CDC7: variants seen among roughly 807,000 people sequenced by gnomAD.
The protein encoded by CDC7 is cell division cycle 7-related protein kinase.
In CDC7, 34 loss-of-function variants were observed where a neutral mutation model predicts 53.5. The ratio of observed to expected loss-of-function variants is 0.64; its 90% CI spans 0.48 to 0.85. CDC7 has a LOEUF of 0.85. CDC7 is among the 40% of genes least tolerant of loss of function. The pLI is 0.00. For missense variants in CDC7, 594 were observed against 679.7 expected, an observed-to-expected ratio of 0.87 and a Z score of 1.40; for synonymous variants, 211 against 222.8, an observed-to-expected ratio of 0.95 and a Z score of 0.47.
intron 7 of CDC7, among the ~76,000 whole-genome samples, chr1:91,513,684 A>G (rs1206879095): frequency 6.6e-6 from 1 of 152,194 alleles, no homozygotes; most frequent in Non-Finnish European, 1.5e-5. Flanking sequence ...TTAGCTGCAC[A>G]GCAAAATGTA....
intron 2 of CDC7, among the ~76,000 whole-genome samples, chr1:91,506,696 TC>T (rs1476375567): frequency 6.6e-6 from 1 of 152,136 alleles, no homozygotes; most frequent in Non-Finnish European, 1.5e-5. Context: ...ACACCTGTAA[TC>T]CCAGCACTTT....
rs35652063 is a variant in CDC7 at position 91,513,162 on chromosome 1, A to G, written c.677A>G (p.Asn226Ser). Reference sequence around the variant, plus strand: ...GCTCAGCAGGAAAGGTGTTCACAAAACAAATCCCACATAATCACAGGAAAC... The same window carrying G: ...GCTCAGCAGGAAAGGTGTTCACAAAGCAAATCCCACATAATCACAGGAAAC... ...SEAQQERCSQ[N>S]KSHIITGNKI... is the part of the protein sequence containing the mutation. Residue 226 changes from asparagine to serine, a missense_variant, in exon 7 of 12, where the codon AAC becomes AGC. Asn to Ser is a conservative substitution (Grantham distance 46, BLOSUM62 1). Coordinates refer to ENST00000234626, the MANE Select transcript of CDC7 (RefSeq NM_003503.4). 1.5e-5 allele frequency: 25 copies of G among 1,613,686 alleles called. No individual in the cohort carries two copies. The African/African-American group carries it at 2.7e-4, about 17-fold the overall frequency.
chr1:91,525,529 G>T lies in CDC7; in HGVS notation c.*1094G>T, dbSNP rs1668223029. 1 of 152,076 alleles carries T rather than the reference G, an allele frequency of 6.6e-6. No individual in the cohort carries two copies. The highest frequency in any genetic ancestry group is 2.4e-5 in the African/African-American group (1 of 41,428). The allele number at this position is 152,076 out of a possible 1,614,324, so 9.4% of individuals were successfully genotyped here. The stretch of plus-strand genomic sequence containing the variant: ...AACTTCCTATGGGAAAAAGTCTGGT[G>T]GGTGGTCAGCTGACAGATTTCCCAT... On this transcript the variant is annotated 3_prime_UTR_variant, in exon 12 of 12. Coordinates refer to ENST00000234626, the MANE Select transcript of CDC7 (RefSeq NM_003503.4).
At chr1:91,516,808 T>TA (rs1304852795) in intron 10 of CDC7, among the ~76,000 whole-genome samples, 1 of 152,206 alleles carries the variant, frequency 6.6e-6, no homozygotes, top group Non-Finnish European at 1.5e-5. Flanking sequence ...CTCATGCCTG[T>TA]AATCCCAGCA....
chr1:91,510,159 G>T (rs1464576952), intron 4 of CDC7, among the ~76,000 whole-genome samples: 1 of 151,538 alleles, frequency 6.6e-6, no homozygotes, highest in Non-Finnish European at 1.5e-5. Flanking sequence ...AGGCTGTAAT[G>T]ACCTGCGATC....
chr1:91,513,195 C>T lies in CDC7; in HGVS notation c.710C>T (p.Pro237Leu). 2 of 1,613,772 alleles carry T rather than the reference C, an allele frequency of 1.2e-6. No individual in the cohort carries two copies. Among genetic ancestry groups the T allele is most frequent in the Non-Finnish European group, 1.7e-6 (2 of 1,179,824 alleles). The stretch of plus-strand genomic sequence containing the variant: ...CACATAATCACAGGAAACAAGATTC[C>T]ACTGAGTGGCCCAGTACCTAAGGAG... Reference protein sequence around the residue: ...KSHIITGNKIPLSGPVPKELD... With the variant: ...KSHIITGNKILLSGPVPKELD... Residue 237 changes from proline (P) to leucine (L), a missense_variant, in exon 7 of 12, where the codon CCA (proline) becomes CTA (leucine). Transcript: ENST00000234626.
At chr1:91,501,586 C>T in intron 1 of CDC7, 68 bp from the exon 2 acceptor site, 5 of 661,884 alleles carry the variant, frequency 7.6e-6, no homozygotes, top group Non-Finnish European at 1.3e-5. Context: ...CTTTGGGGGG[C>T]AGTAGCATGT....
chr1:91,507,831 C>CT (rs1354864872), intron 2 of CDC7, 23 bp from the exon 3 acceptor site: 1 of 1,247,556 alleles, frequency 8.0e-7, no homozygotes, highest in African/African-American at 1.5e-5. Flanking sequence ...GATTAAAACT[C>CT]TAAATTTTTG....
intron 4 of CDC7, 129 bp downstream of exon 4, chr1:91,508,526 C>T: frequency 1.5e-6 from 1 of 673,358 alleles, no homozygotes; most frequent in Non-Finnish European, 2.4e-6. Context: ...TTGCAATTTG[C>T]TAGCACTTTC....
At chr1:91,508,036 A>C (rs1244773720) in intron 3 of CDC7, 99 bp downstream of exon 3, 2 of 1,048,040 alleles carry the variant, frequency 1.9e-6, no homozygotes, top group Non-Finnish European at 2.8e-6. Flanking sequence ...TTATTGAAAA[A>C]TATACCACTT....
chr1:91,521,566 G>A (rs554140967), intron 11 of CDC7, among the ~76,000 whole-genome samples: 3 of 152,328 alleles, frequency 2.0e-5, no homozygotes, highest in East Asian at 3.9e-4. Flanking sequence ...GTGACCATGA[G>A]TGGAAAGCAA....
chr1:91,512,938 T>C (rs1215770048), intron 6 of CDC7, 120 bp from the exon 7 acceptor site: 3 of 843,386 alleles, frequency 3.6e-6, no homozygotes, highest in Non-Finnish European at 5.4e-6. Context: ...CAGAATGTTA[T>C]AAATTCCTAA....
At chr1:91,504,056 A>G (rs551457258) in intron 2 of CDC7, among the ~76,000 whole-genome samples, 5 of 151,034 alleles carry the variant, frequency 3.3e-5, no homozygotes, top group African/African-American at 7.3e-5. Flanking sequence ...TGCACAAACT[A>G]TCTGGCATAA....
intron 11 of CDC7, 138 bp downstream of exon 11, chr1:91,520,417 T>C: frequency 1.5e-6 from 1 of 649,094 alleles, no homozygotes; most frequent in Non-Finnish European, 2.4e-6. Flanking sequence ...AGTAGAAAAT[T>C]CTTCAGTTGC....
chr1:91,520,662 T>C (rs1421879067), intron 11 of CDC7, among the ~76,000 whole-genome samples: 1 of 152,232 alleles, frequency 6.6e-6, no homozygotes, highest in Non-Finnish European at 1.5e-5. Flanking sequence ...AAACATCAGA[T>C]GCACTATGTC....
chr1:91,507,815 G>C, intron 2 of CDC7, 39 bp from the exon 3 acceptor site: 1 of 1,178,888 alleles, frequency 8.5e-7, no homozygotes, highest in Non-Finnish European at 1.2e-6. Flanking sequence ...AAAATATACT[G>C]TCATTGATTA....
Position 91,511,911 on chromosome 1 carries a change from G to A in CDC7, c.560G>A (p.Arg187Lys), listed in dbSNP as rs747270363. ...DVKPSNFLYN[R>K]RLKKYALVDF... ...AAGCCCAGCAATTTTTTATATAATA[G>A]GCGCCTGAAAAAGTAAGTATGAAGA... Residue 187 changes from arginine to lysine, a missense_variant, in exon 6 of 12, where the codon AGG becomes AAG. Physicochemically the swap from Arg to Lys is conservative, Grantham distance 26. Coordinates refer to ENST00000234626, the MANE Select transcript of CDC7 (RefSeq NM_003503.4). The A allele has an allele frequency of 2.5e-5, 40 of 1,579,178 alleles. No homozygotes were observed. The African/African-American group carries it at 5.3e-4, about 21-fold the overall frequency.
At position 91,507,926 on chromosome 1, in the gene CDC7, A is replaced by G. The variant is rs771995747; in HGVS notation, c.188A>G (p.Lys63Arg). 1.9e-6 allele frequency: 3 copies of G among 1,562,628 alleles called. No individual in the cohort carries two copies. Among genetic ancestry groups the G allele is most frequent in the African/African-American group, 1.4e-5 (1 of 72,928 alleles). Residue 63 changes from lysine (K) to arginine (R), a missense_variant, in exon 3 of 12, where the codon AAA becomes AGA. Coordinates refer to ENST00000234626, the MANE Select transcript of CDC7 (RefSeq NM_003503.4). The part of the protein sequence containing the change: ...QLSNVFKIED[K>R]IGEGTFSSVY... ...AGTAATGTGTTTAAGATTGAGGACA[A>G]AATTGGAGAAGGTAATCTGGGGATA...
chr1:91,518,375 C>T (rs13447531), intron 10 of CDC7, among the ~76,000 whole-genome samples: 3,328 of 152,208 alleles, frequency 0.022, 46 homozygotes, highest in Middle Eastern at 0.055. Context: ...ATCCAACAAT[C>T]CCACTGCTGG....
Sources: gnomAD v4.1 joint callset for allele counts (sites outside exome capture counted in the v4.1 genomes callset) on GRCh38, gnomAD v4.1.1 for gene constraint, MANE v1.5 for transcripts, NCBI Gene and HGNC (gene_info 2026-07-23, HGNC 2026-07-21) for gene names.